The following SULT4A1 variants were observed in gnomAD, a reference collection of about 807,000 sequenced individuals.
SULT4A1 encodes sulfotransferase 4A1.
Under a neutral mutation model 35.2 loss-of-function variants are expected in SULT4A1, and 11 were observed. The observed-to-expected ratio is 0.31, with a 90% CI of 0.20 to 0.52. The LOEUF is 0.52. Ranked by LOEUF, SULT4A1 falls within the 20% of genes least tolerant of loss-of-function variation. The pLI is 0.97. For synonymous variants in SULT4A1, 152 were observed against 151.8 expected, an observed-to-expected ratio of 1.00 and a Z score of -0.01; for missense variants, 271 against 383.7, an observed-to-expected ratio of 0.71 and a Z score of 2.45.
chr22:43,843,982 G>A (rs1489166346), intron 1 of SULT4A1, among the ~76,000 whole-genome samples: 1 of 152,282 alleles, frequency 6.6e-6, no homozygotes, highest in South Asian at 2.1e-4. Context: ...ACCTCGCCCC[G>A]TGGGATCTCG....
intron 1 of SULT4A1, among the ~76,000 whole-genome samples, chr22:43,859,848 CACTTTTATT>C (rs1387192212): frequency 8.5e-5 from 13 of 152,292 alleles, no homozygotes; most frequent in Middle Eastern, 3.4e-3. Context: ...ACAGAATTTC[CACTTTTATT>C]TCATTTTAAT....
intron 1 of SULT4A1, among the ~76,000 whole-genome samples, chr22:43,842,723 A>G (rs577579950): frequency 1.3e-5 from 2 of 152,250 alleles, no homozygotes; most frequent in African/African-American, 4.8e-5. Context: ...GCAAAACTCA[A>G]CTATAGTGAC....
chr22:43,855,716 A>G (rs745547310), intron 1 of SULT4A1, among the ~76,000 whole-genome samples: 1 of 151,894 alleles, frequency 6.6e-6, no homozygotes, highest in Non-Finnish European at 1.5e-5. Flanking sequence ...AGACATGCCC[A>G]CCACCTGATC....
rs2063358448 is a variant in SULT4A1 at position 43,835,048 on chromosome 22, TGCTTCCCGCGCCCCCACCGCGGCCCTGA to T, written c.509-1342_509-1315del. Among the ~76,000 whole-genome samples, 10 of 51,924 alleles carry T rather than the reference TGCTTCCCGCGCCCCCACCGCGGCCCTGA, an allele frequency of 1.9e-4. 1 individual carries two copies. Among genetic ancestry groups the T allele is most frequent in the South Asian group, 6.7e-4 (1 of 1,486 alleles). 34.1% of individuals were successfully genotyped at this position (51,924 alleles called of 152,430 possible). Reference sequence around the variant, plus strand: ...TTCCCGCGCCCCCACCGCGTCCCTGTGCTTCCCGCGCCCCCACCGCGGCCCTGAGCTTCCCGCGCCCCCACCGCTGCCC... The same window carrying T: ...TTCCCGCGCCCCCACCGCGTCCCTGTGCTTCCCGCGCCCCCACCGCTGCCC... On this transcript the variant is annotated intron_variant, in intron 4 of 6. Coordinates refer to ENST00000330884, the MANE Select transcript of SULT4A1 (RefSeq NM_014351.4).
chr22:43,838,935 C>T lies in SULT4A1; in HGVS notation c.440G>A (p.Arg147His), dbSNP rs753786397. The T allele has an allele frequency of 4.3e-6, 7 of 1,614,180 alleles. No individual in the cohort carries two copies. The highest frequency in any genetic ancestry group is 5.9e-6 in the Non-Finnish European group (7 of 1,180,010). Residue 147 changes from arginine (R) to histidine (H), a missense_variant, in exon 4 of 7, where the codon CGC becomes CAC. Arg to His is a conservative substitution (Grantham distance 29, BLOSUM62 0). Transcript: ENST00000330884. ...DLVVSYYQFH[R>H]SLRTMSYRGT... ...TCGGTAGCTCATGGTCCGCAGAGAG[C>T]GGTGGAACTGATAATAAGACACCAC...
At chr22:43,861,625 C>T (rs2049469457) in intron 1 of SULT4A1, among the ~76,000 whole-genome samples, 1 of 152,198 alleles carries the variant, frequency 6.6e-6, no homozygotes, top group South Asian at 2.1e-4. Flanking sequence ...AATGTGAATG[C>T]CCCAGGTCCT....
Position 43,827,293 on chromosome 22 carries a change from A to G in SULT4A1, c.743-1180T>C, listed in dbSNP as rs532335395. On this transcript the variant is annotated intron_variant, in intron 6 of 6. Transcript: ENST00000330884. The stretch of plus-strand genomic sequence containing the variant: ...AGGACCTCAGGTTTTTCAAACTGCA[A>G]CCCTGCAAATGCTGAGCTAAAATAC... 6.1e-6 allele frequency: 6 copies of G among 985,438 alleles called. No individual in the cohort carries two copies. The African/African-American group carries it at 1.0e-4, about 17-fold the overall frequency. 61.0% of individuals were successfully genotyped at this position (985,438 alleles called of 1,614,324 possible).
chr22:43,831,729 T>A (rs2063327279), intron 5 of SULT4A1, among the ~76,000 whole-genome samples: 1 of 152,212 alleles, frequency 6.6e-6, no homozygotes, highest in South Asian at 2.1e-4. Flanking sequence ...CCTGACAGGT[T>A]CCAAAGAGGC....
chr22:43,857,349 C>A (rs1448252158), intron 1 of SULT4A1, among the ~76,000 whole-genome samples: 1 of 119,670 alleles, frequency 8.4e-6, no homozygotes, highest in Admixed American at 1.2e-4. Flanking sequence ...CCAGTCTGAG[C>A]AGCACAGTGA....
intron 6 of SULT4A1, chr22:43,827,135 G>C (rs770714994): frequency 2.0e-6 from 2 of 985,430 alleles, no homozygotes; most frequent in Non-Finnish European, 2.4e-6. Context: ...CACATCACCC[G>C]AGTACTGCCT....
intron 1 of SULT4A1, among the ~76,000 whole-genome samples, chr22:43,854,045 G>A (rs2049374319): frequency 6.6e-6 from 1 of 152,214 alleles, no homozygotes. Flanking sequence ...GCCCCAGTTT[G>A]CCCTCATGTA....
intron 1 of SULT4A1, among the ~76,000 whole-genome samples, chr22:43,845,230 G>A (rs546000681): frequency 6.6e-6 from 1 of 152,248 alleles, no homozygotes; most frequent in East Asian, 1.9e-4. Flanking sequence ...ACAGCCCGGA[G>A]TGCAGCCCTG....
intron 1 of SULT4A1, among the ~76,000 whole-genome samples, chr22:43,854,806 T>C (rs1174734930): frequency 6.6e-6 from 1 of 152,216 alleles, no homozygotes; most frequent in Non-Finnish European, 1.5e-5. Flanking sequence ...GGAACCCCTT[T>C]CCTGGCTTCT....
chr22:43,826,125 A>G lies in SULT4A1; in HGVS notation c.743-12T>C. 6.2e-7 allele frequency: 1 copy of G among 1,613,626 alleles called. No homozygotes were observed. Among genetic ancestry groups the G allele is most frequent in the South Asian group, 1.1e-5 (1 of 90,924 alleles). On this transcript the variant is annotated splice_polypyrimidine_tract_variant and intron_variant, in intron 6 of 6. Coordinates refer to ENST00000330884, the MANE Select transcript of SULT4A1 (RefSeq NM_014351.4). ...CAGCCCAACTCTTCCTGAAACGCAA[A>G]CAAGAGAACTGCTGGGGCCACTTGC...
chr22:43,849,011 C>T (rs1385162133), intron 1 of SULT4A1, among the ~76,000 whole-genome samples: 2 of 152,204 alleles, frequency 1.3e-5, no homozygotes, highest in Non-Finnish European at 2.9e-5. Flanking sequence ...AGTGGCAAAC[C>T]GATCAATACC....
intron 3 of SULT4A1, among the ~76,000 whole-genome samples, chr22:43,839,319 T>G (rs2063405298): frequency 6.6e-6 from 1 of 152,222 alleles, no homozygotes; most frequent in Non-Finnish European, 1.5e-5. Context: ...TCTGGCCGGG[T>G]GCGGTGGCTC....
At chr22:43,847,233 G>A (rs1342611364) in intron 1 of SULT4A1, among the ~76,000 whole-genome samples, 2 of 152,130 alleles carry the variant, frequency 1.3e-5, no homozygotes, top group Non-Finnish European at 2.9e-5. Context: ...GCAGGGAACA[G>A]GCCCCGGCCT....
At chr22:43,857,291 A>G (rs1447129251) in intron 1 of SULT4A1, among the ~76,000 whole-genome samples, 1 of 150,032 alleles carries the variant, frequency 6.7e-6, no homozygotes, top group African/African-American at 2.5e-5. Context: ...AGACCCAGCT[A>G]CTCAGGAGGC....
chr22:43,847,545 CT>C (rs1220495330), intron 1 of SULT4A1, among the ~76,000 whole-genome samples: 1 of 152,176 alleles, frequency 6.6e-6, no homozygotes, highest in South Asian at 2.1e-4. Flanking sequence ...CCAGGGGCTC[CT>C]GAGGTCCCAG....
Sources: gnomAD v4.1 joint callset for allele counts (sites outside exome capture counted in the v4.1 genomes callset) on GRCh38, gnomAD v4.1.1 for gene constraint, MANE v1.5 for transcripts, NCBI Gene and HGNC (gene_info 2026-07-23, HGNC 2026-07-21) for gene names.